The following KLRG2 variants were observed in gnomAD, a reference collection of about 807,000 sequenced individuals.
KLRG2 encodes the protein killer cell lectin-like receptor subfamily G member 2.
Under a neutral mutation model 35.4 loss-of-function variants are expected in KLRG2, and 39 were observed. That is an observed-to-expected ratio of 1.10 (90% CI 0.85 to 1.44). The LOEUF (loss-of-function observed/expected upper bound fraction) is 1.44. Ranked by LOEUF, KLRG2 falls within the 40% of genes most tolerant of loss-of-function variation. The pLI is 0.00. For missense variants in KLRG2, 632 were observed against 570.9 expected (o/e 1.11, Z -1.09); for synonymous variants, 283 against 265.8 (o/e 1.06, Z -0.63).
At chr7:139,444,976 G>A in the KLRG2 span, among the ~76,000 whole-genome samples, 1 of 152,082 alleles carries the variant, frequency 6.6e-6, no homozygotes, top group East Asian at 1.9e-4. Flanking sequence ...ACTGTGACAA[G>A]AGACGAGATT....
chr7:139,453,904 G>T (rs111239371), intron 4 of KLRG2, among the ~76,000 whole-genome samples, 197 bp from the exon 5 acceptor site: 4 of 152,178 alleles, frequency 2.6e-5, no homozygotes, highest in African/African-American at 7.2e-5. Flanking sequence ...TGTAAAATGG[G>T]GGTGACAACC....
intron 3 of KLRG2, among the ~76,000 whole-genome samples, chr7:139,469,592 G>A (rs1030053472): frequency 1.3e-5 from 2 of 151,766 alleles, no homozygotes; most frequent in Admixed American, 6.6e-5. Flanking sequence ...TCACAGGCAT[G>A]CGTCACCATG....
At chr7:139,474,961 C>T (rs186188880) in intron 3 of KLRG2, among the ~76,000 whole-genome samples, 61 of 152,190 alleles carry the variant, frequency 4.0e-4, no homozygotes, top group African/African-American at 1.5e-3. Flanking sequence ...TGCTGTGGGT[C>T]ATAAGACCCT....
chr7:139,463,356 A>G (rs1796600780), intron 3 of KLRG2, among the ~76,000 whole-genome samples: 2 of 152,190 alleles, frequency 1.3e-5, no homozygotes, highest in Admixed American at 6.5e-5. Context: ...AACAAGACTT[A>G]ATTAACCTCG....
chr7:139,437,202 G>A, the KLRG2 span, among the ~76,000 whole-genome samples: 1 of 152,044 alleles, frequency 6.6e-6, no homozygotes. Flanking sequence ...CGAGGCAGGT[G>A]GATCAGCTGA....
At chr7:139,443,094 C>CTT in the KLRG2 span, among the ~76,000 whole-genome samples, 4,699 of 120,416 alleles carry the variant, frequency 0.039, 232 homozygotes, top group African/African-American at 0.069. Flanking sequence ...GGAAAAAAAA[C>CTT]TTTTTTTTTT....
intron 3 of KLRG2, among the ~76,000 whole-genome samples, chr7:139,465,899 C>T (rs1038972864): frequency 1.3e-5 from 2 of 152,108 alleles, no homozygotes; most frequent in South Asian, 2.1e-4. Context: ...CCCACTCAAA[C>T]TTGCACCTAT....
chr7:139,446,334 G>A, the KLRG2 span, among the ~76,000 whole-genome samples: 1 of 129,856 alleles, frequency 7.7e-6, no homozygotes, highest in Admixed American at 9.2e-5. Flanking sequence ...GCATTTTCCA[G>A]GGTTTTTTTT....
intron 3 of KLRG2, among the ~76,000 whole-genome samples, chr7:139,456,076 A>C (rs1181548511): frequency 6.6e-6 from 1 of 152,224 alleles, no homozygotes; most frequent in Non-Finnish European, 1.5e-5. Flanking sequence ...AATGTCAAGA[A>C]GCACATATTC....
chr7:139,445,769 A>ATATATATATATGTATATATATATGTGTG, the KLRG2 span, among the ~76,000 whole-genome samples: 31 of 119,520 alleles, frequency 2.6e-4, 1 homozygote, highest in South Asian at 4.5e-4. Context: ...ATGTGTATGT[A>ATATATATATATGTATATATATATGTGTG]TATATATATA....
intron 3 of KLRG2, among the ~76,000 whole-genome samples, chr7:139,478,934 T>C (rs1796904384): frequency 6.6e-6 from 1 of 151,476 alleles, no homozygotes; most frequent in Non-Finnish European, 1.5e-5. Context: ...ATTAAAAACA[T>C]AAGTGCTTGG....
intron 3 of KLRG2, among the ~76,000 whole-genome samples, chr7:139,470,905 C>T (rs1022747508): frequency 2.0e-4 from 30 of 151,746 alleles, no homozygotes; most frequent in Admixed American, 1.0e-3. Flanking sequence ...TGCAATGGCA[C>T]GATCTTGGCT....
chr7:139,463,399 G>C (rs1796601572), intron 3 of KLRG2, among the ~76,000 whole-genome samples: 1 of 152,220 alleles, frequency 6.6e-6, no homozygotes, highest in Non-Finnish European at 1.5e-5. Context: ...AGCAGAGGCA[G>C]CCAGACAGCA....
chr7:139,449,324 C>T (rs1045623145), downstream of KLRG2, among the ~76,000 whole-genome samples: 1 of 151,980 alleles, frequency 6.6e-6, no homozygotes, highest in Non-Finnish European at 1.5e-5. Flanking sequence ...TCACTGGAAC[C>T]TGGGAGGTGG....
chr7:139,428,503 C>T, the KLRG2 span, among the ~76,000 whole-genome samples: 2 of 152,126 alleles, frequency 1.3e-5, no homozygotes, highest in Admixed American at 6.5e-5. Context: ...AAGTGATCCT[C>T]CCACCTTGGC....
intron 1 of KLRG2, among the ~76,000 whole-genome samples, chr7:139,482,121 GT>G (rs1254083402): frequency 2.0e-5 from 3 of 152,096 alleles, no homozygotes; most frequent in Non-Finnish European, 4.4e-5. Context: ...CATCTACCCT[GT>G]GGTCCCACTC....
the KLRG2 span, among the ~76,000 whole-genome samples, chr7:139,434,947 C>A: frequency 6.6e-6 from 1 of 152,124 alleles, no homozygotes; most frequent in African/African-American, 2.4e-5. Context: ...AACAATAAAT[C>A]TATAAGCTAG....
chr7:139,457,309 G>A (rs1347694322), intron 3 of KLRG2, among the ~76,000 whole-genome samples: 4 of 152,268 alleles, frequency 2.6e-5, no homozygotes, highest in East Asian at 1.9e-4. Context: ...GCCCAACACC[G>A]TCTTCCTGGG....
At chr7:139,440,275 ATT>A in the KLRG2 span, among the ~76,000 whole-genome samples, 35 of 130,066 alleles carry the variant, frequency 2.7e-4, no homozygotes, top group Admixed American at 6.2e-4. Context: ...ACACCTGGCT[ATT>A]TTTTTTTTTT....
Sources: allele counts gnomAD v4.1 joint callset (sites outside exome capture counted in the v4.1 genomes callset), GRCh38; gene constraint gnomAD v4.1.1; transcripts MANE v1.5; gene names NCBI Gene and HGNC (gene_info 2026-07-23, HGNC 2026-07-21).